The following MOB4 variants were observed in gnomAD, a reference collection of about 807,000 sequenced individuals.
MOB4 encodes the protein MOB-like protein phocein.
Under a neutral mutation model 32.2 loss-of-function variants are expected in MOB4, and 4 were observed. The observed-to-expected ratio is 0.12, with a 90% CI of 0.06 to 0.28. MOB4 has a LOEUF of 0.28. Ranked by LOEUF, MOB4 falls within the 10% of genes least tolerant of loss-of-function variation. The pLI is 1.00. For missense variants in MOB4, 158 were observed against 271.2 expected (o/e 0.58, Z 2.93); for synonymous variants, 88 against 88.1 (o/e 1.00, Z 0.01).
chr2:197,549,342 C>T (rs1270423013), intron 6 of MOB4, among the ~76,000 whole-genome samples: 4 of 152,068 alleles, frequency 2.6e-5, no homozygotes, highest in South Asian at 2.1e-4. Context: ...AAGTTTGTGA[C>T]TGCCTTTTAT....
chr2:197,529,642 G>C (rs1180054583), intron 2 of MOB4, among the ~76,000 whole-genome samples: 1 of 151,690 alleles, frequency 6.6e-6, no homozygotes, highest in African/African-American at 2.4e-5. Flanking sequence ...GTGAGCCACT[G>C]TGCCCGGCCT....
At chr2:197,531,539 A>C (rs1181357867) in intron 2 of MOB4, among the ~76,000 whole-genome samples, 1 of 151,864 alleles carries the variant, frequency 6.6e-6, no homozygotes, top group Admixed American at 6.6e-5. Context: ...TCTTTTTACA[A>C]ACTTGGAAAC....
chr2:197,542,068 G>T (rs1451565194), intron 5 of MOB4, among the ~76,000 whole-genome samples: 1 of 152,266 alleles, frequency 6.6e-6, no homozygotes, highest in Non-Finnish European at 1.5e-5. Context: ...GAATCAAGAA[G>T]GCTGAATCAA....
chr2:197,525,724 A>AAG (rs1553586446), intron 2 of MOB4, among the ~76,000 whole-genome samples: 12 of 152,006 alleles, frequency 7.9e-5, no homozygotes, highest in African/African-American at 2.9e-4. Context: ...AAAAAAAAAA[A>AAG]AAAGAAAAAG....
chr2:197,544,479 C>T (rs150731477), intron 5 of MOB4, among the ~76,000 whole-genome samples: 30 of 152,136 alleles, frequency 2.0e-4, no homozygotes, highest in African/African-American at 2.9e-4. Flanking sequence ...GCTGTCTGGG[C>T]GCGGTGGCTC....
At chr2:197,522,351 G>A (rs1275291497) in intron 1 of MOB4, among the ~76,000 whole-genome samples, 1 of 73,766 alleles carries the variant, frequency 1.4e-5, no homozygotes. Context: ...TTTTTTTTGA[G>A]ATGGAGTCTT....
At chr2:197,537,238 A>G (rs958608841) in intron 3 of MOB4, among the ~76,000 whole-genome samples, 8 of 152,228 alleles carry the variant, frequency 5.3e-5, no homozygotes, top group African/African-American at 1.7e-4. Context: ...ATAGGTGGAG[A>G]TAACATTAAA....
intron 5 of MOB4, among the ~76,000 whole-genome samples, chr2:197,544,046 C>G (rs530415278): frequency 6.7e-6 from 1 of 149,616 alleles, no homozygotes; most frequent in East Asian, 2.0e-4. Context: ...AGCCGAGTTT[C>G]TTTCTTTTTT....
chr2:197,518,828 T>C (rs1394889881), intron 1 of MOB4, among the ~76,000 whole-genome samples: 2 of 152,128 alleles, frequency 1.3e-5, no homozygotes, highest in African/African-American at 4.8e-5. Context: ...CGATCTTGGC[T>C]CACTGCAAGT....
At chr2:197,533,830 T>G in intron 2 of MOB4, 1 of 621,024 alleles carries the variant, frequency 1.6e-6, no homozygotes, top group Non-Finnish European at 3.1e-6. Flanking sequence ...TTTAAGACTT[T>G]TAGAATCAAG....
chr2:197,544,722 C>T (rs2086962817), intron 5 of MOB4, among the ~76,000 whole-genome samples: 1 of 149,910 alleles, frequency 6.7e-6, no homozygotes, highest in African/African-American at 2.5e-5. Flanking sequence ...CACTGCACTC[C>T]AGCCTGGGCA....
upstream of MOB4, chr2:197,516,063 T>C (rs1487518156): frequency 1.9e-6 from 3 of 1,571,552 alleles, no homozygotes; most frequent in Non-Finnish European, 2.6e-6. Flanking sequence ...GGGTACCGAC[T>C]CCAGCCGCCT....
At chr2:197,547,739 C>A (rs113825726) in intron 5 of MOB4, among the ~76,000 whole-genome samples, 1,748 of 152,214 alleles carry the variant, frequency 0.011, 18 homozygotes, top group Admixed American at 0.023. Flanking sequence ...CTTGATGTTG[C>A]TCCCTGTCTG....
At chr2:197,523,070 A>G (rs929206580) in intron 1 of MOB4, among the ~76,000 whole-genome samples, 78 of 151,888 alleles carry the variant, frequency 5.1e-4, no homozygotes, top group African/African-American at 1.7e-3. Context: ...CTAATGCTAG[A>G]TATTCTCTTT....
intron 5 of MOB4, among the ~76,000 whole-genome samples, chr2:197,541,116 G>A (rs1176314601): frequency 6.6e-6 from 1 of 151,954 alleles, no homozygotes; most frequent in Non-Finnish European, 1.5e-5. Context: ...GGCAAGCCTG[G>A]TCTCAAACTC....
At chr2:197,547,221 C>T (rs1483344555) in intron 5 of MOB4, among the ~76,000 whole-genome samples, 3 of 152,070 alleles carry the variant, frequency 2.0e-5, no homozygotes, top group East Asian at 1.9e-4. Flanking sequence ...TTGGTCTTGC[C>T]GTTGCTGGGA....
At chr2:197,546,826 T>G (rs1450898215) in intron 5 of MOB4, among the ~76,000 whole-genome samples, 4 of 152,210 alleles carry the variant, frequency 2.6e-5, no homozygotes, top group African/African-American at 9.7e-5. Flanking sequence ...CCCCCAAAAC[T>G]TAATTACTAA....
chr2:197,553,075 GA>G lies in MOB4; in HGVS notation c.*2430del, dbSNP rs1288506950. On this transcript the variant is annotated 3_prime_UTR_variant, in exon 8 of 8. Coordinates refer to ENST00000323303, the MANE Select transcript of MOB4 (RefSeq NM_015387.5). The stretch of plus-strand genomic sequence containing the variant: ...TCTCTGACTTGAGATGTCAAATTTG[GA>G]TTTCTAGAACAGTTTCTCAGTTAAA... The G allele has an allele frequency of 6.6e-6, 1 of 152,042 alleles. No individual in the cohort carries two copies. Among genetic ancestry groups the G allele is most frequent in the Non-Finnish European group, 1.5e-5 (1 of 68,010 alleles). 9.4% of individuals were successfully genotyped at this position (152,042 alleles called of 1,614,324 possible).
chr2:197,517,814 T>A (rs1219567280), intron 1 of MOB4, among the ~76,000 whole-genome samples: 1 of 152,138 alleles, frequency 6.6e-6, no homozygotes, highest in African/African-American at 2.4e-5. Context: ...CGTATCTCCT[T>A]CCCTATTGGG....
Sources: allele counts gnomAD v4.1 joint callset (sites outside exome capture counted in the v4.1 genomes callset), GRCh38; gene constraint gnomAD v4.1.1; transcripts MANE v1.5; gene names NCBI Gene and HGNC (gene_info 2026-07-23, HGNC 2026-07-21).